The following USP32 variants were observed in gnomAD, a reference collection of about 807,000 sequenced individuals.
USP32 encodes ubiquitin specific peptidase 32, also known as ubiquitin carboxyl-terminal hydrolase 32.
A neutral mutation model predicts 204.8 loss-of-function variants in USP32; 59 were observed. The ratio of observed to expected loss-of-function variants is 0.29; its 90% CI spans 0.23 to 0.36. The LOEUF (loss-of-function observed/expected upper bound fraction) is 0.36, where lower values mean the gene tolerates loss of function less well. USP32 is among the 10% of genes least tolerant of loss of function. The pLI is 1.00. For missense variants in USP32, 1,160 were observed against 1,946.4 expected, an observed-to-expected ratio of 0.60 and a Z score of 7.60; for synonymous variants, 517 against 678.4, an observed-to-expected ratio of 0.76 and a Z score of 3.70.
At chr17:60,201,218 C>A (rs1377784878) in intron 26 of USP32, among the ~76,000 whole-genome samples, 1 of 152,172 alleles carries the variant, frequency 6.6e-6, no homozygotes, top group African/African-American at 2.4e-5. Flanking sequence ...CATTTATACT[C>A]TATATAACTA....
At position 60,183,293 on chromosome 17, in the gene USP32, A is replaced by C; in HGVS notation, c.3995T>G (p.Leu1332Arg). Residue 1332 changes from leucine (L) to arginine (R), a missense_variant, in exon 31 of 34, where the codon CTC becomes CGC. Physicochemically the swap from Leu to Arg is moderately radical, Grantham distance 102. Transcript: ENST00000300896. ...HKPLTPQGDE[L>R]SEPRILAREV... ...CCTTGCCAGAATCCTGGGCTCAGAG[A>C]GCTCATCCCCCTGGGGTGTGAGTGG... 1 of 1,613,962 alleles carries C rather than the reference A, an allele frequency of 6.2e-7. No homozygotes were observed. The highest frequency in any genetic ancestry group is 8.5e-7 in the Non-Finnish European group (1 of 1,179,856).
At chr17:60,271,257 G>A (rs1458565666) in intron 6 of USP32, 93 bp downstream of exon 6, 6 of 1,477,794 alleles carry the variant, frequency 4.1e-6, no homozygotes, top group African/African-American at 1.4e-5. Context: ...TGAGAAGATG[G>A]TTTCTTAGAG....
intron 1 of USP32, among the ~76,000 whole-genome samples, chr17:60,360,199 G>A (rs1340646081): frequency 6.6e-6 from 1 of 151,970 alleles, no homozygotes; most frequent in Non-Finnish European, 1.5e-5. Context: ...ACCTGGCCAG[G>A]CACAGTGGCT....
At chr17:60,391,815 T>C in intron 1 of USP32, 67 bp downstream of exon 1, 1 of 1,552,960 alleles carries the variant, frequency 6.4e-7, no homozygotes, top group East Asian at 2.3e-5. Context: ...TCCCTCCCGG[T>C]TACCCACCCT....
intron 1 of USP32, among the ~76,000 whole-genome samples, chr17:60,398,412 A>G (rs1442479962): frequency 1.3e-5 from 2 of 151,934 alleles, no homozygotes; most frequent in African/African-American, 4.8e-5. Context: ...GAAAAAAGAA[A>G]AAAAAAGGTG....
At chr17:60,236,682 G>A (rs1192035436) in intron 11 of USP32, among the ~76,000 whole-genome samples, 1 of 152,166 alleles carries the variant, frequency 6.6e-6, no homozygotes, top group Non-Finnish European at 1.5e-5. Flanking sequence ...ACCACAATCA[G>A]TTTGAGAACA....
intron 2 of USP32, among the ~76,000 whole-genome samples, chr17:60,328,677 A>G (rs2145960107): frequency 6.6e-6 from 1 of 152,296 alleles, no homozygotes; most frequent in Non-Finnish European, 1.5e-5. Context: ...AGAAGGCCAG[A>G]CCTGGGAGCT....
At position 60,391,981 on chromosome 17, in the gene USP32, G is replaced by GCCCCCCCC; in HGVS notation, c.-43_-42insGGGGGGGG. ...CGGCGGGGGGTCGGAGCCTGATCTC[G>GCCCCCCCC]CCCCCACCCCCCTCCCGCCTTCTCC... On this transcript the variant is annotated 5_prime_UTR_variant, in exon 1 of 34. Coordinates refer to ENST00000300896, the MANE Select transcript of USP32 (RefSeq NM_032582.4). The GCCCCCCCC allele has an allele frequency of 3.8e-6, 6 of 1,585,544 alleles. No homozygotes were observed. In the South Asian group the frequency reaches 4.6e-5, roughly 12 times the overall value.
intron 5 of USP32, among the ~76,000 whole-genome samples, chr17:60,285,258 C>G (rs1395266739): frequency 1.3e-5 from 2 of 152,054 alleles, no homozygotes; most frequent in Non-Finnish European, 2.9e-5. Flanking sequence ...TAAAAAGGTT[C>G]CCTCAATATT....
rs2084575324 is a variant in USP32, at chr17:60,198,265, C to T, written c.3429G>A (p.Gln1143=). The change falls in exon 27 of 34, where the codon CAG becomes CAA. Residue 1143 remains glutamine, a synonymous_variant. Transcript: ENST00000300896. ...GATGGATCCCCTGAACTCACCAATC[C>T]TGGGCATGATTACTAGCTTCCTGAG... The part of the protein sequence containing the change: ...LPPQEASNHA[Q]DCDDSMGYQY... The T allele has an allele frequency of 6.2e-7, 1 of 1,613,990 alleles. No homozygotes were observed. Among genetic ancestry groups the T allele is most frequent in the Non-Finnish European group, 8.5e-7 (1 of 1,179,940 alleles).
At chr17:60,413,876 G>GAAAAAA (rs753405307) in intron 1 of USP32, among the ~76,000 whole-genome samples, 7 of 95,100 alleles carry the variant, frequency 7.4e-5, no homozygotes, top group African/African-American at 1.5e-4. Context: ...AAAAAAAAAA[G>GAAAAAA]AAAAAAAAAA....
At chr17:60,260,812 T>C (rs931415840) in intron 9 of USP32, among the ~76,000 whole-genome samples, 3 of 152,118 alleles carry the variant, frequency 2.0e-5, no homozygotes, top group African/African-American at 7.2e-5. Flanking sequence ...ACATATAAAT[T>C]TCTCCTACAC....
intron 2 of USP32, among the ~76,000 whole-genome samples, chr17:60,328,560 T>G (rs933555485): frequency 6.6e-5 from 10 of 152,222 alleles, no homozygotes; most frequent in Non-Finnish European, 1.2e-4. Flanking sequence ...GACAAAAGCT[T>G]GGGATCCACT....
rs370007112 is a variant in USP32, at chr17:60,265,478, T to C, written c.928-4A>G. ...CAGAGAGATCCATATGTAATTCCTT[T>C]AAAAATAACCCAAAGGAGTAATTAG... On this transcript the variant is annotated splice_region_variant and splice_polypyrimidine_tract_variant and intron_variant, in intron 8 of 33. Transcript: ENST00000300896. The C allele has an allele frequency of 3.6e-5, 57 of 1,581,556 alleles. No homozygotes were observed. The African/African-American group carries it at 6.3e-4, about 18-fold the overall frequency.
At chr17:60,301,851 C>T in intron 2 of USP32, 147 bp from the exon 3 acceptor site, 1 of 631,890 alleles carries the variant, frequency 1.6e-6, no homozygotes, top group East Asian at 2.9e-5. Context: ...TCTCCCTCTT[C>T]TTCCTCTTTT....
At chr17:60,180,488 C>T (rs560696813) in intron 33 of USP32, 57 bp downstream of exon 33, 2 of 1,541,478 alleles carry the variant, frequency 1.3e-6, no homozygotes, top group East Asian at 4.5e-5. Context: ...AACAAATGTT[C>T]CCCAGTTCTG....
chr17:60,241,597 G>A (rs1348458997), intron 11 of USP32, among the ~76,000 whole-genome samples: 2 of 152,124 alleles, frequency 1.3e-5, no homozygotes, highest in Non-Finnish European at 2.9e-5. Flanking sequence ...AATTTTCACT[G>A]AGTCACTCCT....
intron 11 of USP32, among the ~76,000 whole-genome samples, chr17:60,248,301 CCTTT>C (rs2086086883): frequency 6.6e-6 from 1 of 152,150 alleles, no homozygotes; most frequent in Non-Finnish European, 1.5e-5. Flanking sequence ...TCAACTTCTT[CCTTT>C]GTCTTTAGTT....
chr17:60,337,619 G>A (rs1180019529), intron 2 of USP32, among the ~76,000 whole-genome samples: 1 of 152,180 alleles, frequency 6.6e-6, no homozygotes, highest in Non-Finnish European at 1.5e-5. Flanking sequence ...GCTCATGCCT[G>A]TAATCTCAGC....
Sources: allele counts gnomAD v4.1 joint callset (sites outside exome capture counted in the v4.1 genomes callset), GRCh38; gene constraint gnomAD v4.1.1; transcripts MANE v1.5; gene names NCBI Gene and HGNC (gene_info 2026-07-23, HGNC 2026-07-21).